Variants in ACACA observed in about 807,000 individuals in gnomAD.
ACACA encodes acetyl-CoA carboxylase 1.
Under a neutral mutation model 296.1 loss-of-function variants are expected in ACACA, and 103 were observed. The observed-to-expected ratio is 0.35, with a 90% CI of 0.30 to 0.41. The LOEUF (loss-of-function observed/expected upper bound fraction) is 0.41, where lower values mean the gene tolerates loss of function less well. Ranked by LOEUF, ACACA falls within the 10% of genes least tolerant of loss-of-function variation. ACACA has a pLI of 1.00. For synonymous variants in ACACA, 953 were observed against 1,038.6 expected, an observed-to-expected ratio of 0.92 and a Z score of 1.58; for missense variants, 1,554 against 2,989.7, an observed-to-expected ratio of 0.52 and a Z score of 11.20.
chr17:37,209,630 G>A (rs1393357572), intron 30 of ACACA, among the ~76,000 whole-genome samples: 1 of 152,162 alleles, frequency 6.6e-6, no homozygotes, highest in African/African-American at 2.4e-5. Context: ...TAAAAGCTAT[G>A]ATTAGTCTTG....
At chr17:37,339,426 C>A (rs2048285399) in intron 2 of ACACA, among the ~76,000 whole-genome samples, 1 of 152,212 alleles carries the variant, frequency 6.6e-6, no homozygotes, top group Non-Finnish European at 1.5e-5. Context: ...TAAACGGTTA[C>A]ATAGATTGGA....
rs1277213472 is a variant in ACACA, at chr17:37,260,274, ATATATATATATATATATATATATT to A, written c.1330-768_1330-745del. 4.7e-4 allele frequency among the ~76,000 whole-genome samples: 13 copies of A among 27,842 alleles called. No homozygotes were observed. The East Asian group carries it at 0.011, about 24-fold the overall frequency. The allele number at this position is 27,842 out of a possible 152,430, so 18.3% of individuals were successfully genotyped here. A position where few individuals can be genotyped will look rare whatever the true frequency, so the allele number is the denominator to read the frequency against. Reference sequence around the variant, plus strand: ...CATATATATATATATATATATATATATATATATATATATATATATATATTTTTTTTTTTTTTTTTTTTGGAGATG... The same window carrying A: ...CATATATATATATATATATATATATATTTTTTTTTTTTTTTTTTGGAGATG... On this transcript the variant is annotated intron_variant, in intron 11 of 55. Coordinates refer to ENST00000616317, the MANE Select transcript of ACACA (RefSeq NM_198834.3).
intron 25 of ACACA, among the ~76,000 whole-genome samples, chr17:37,233,046 A>G (rs1275414958): frequency 6.6e-6 from 1 of 152,224 alleles, no homozygotes; most frequent in Non-Finnish European, 1.5e-5. Flanking sequence ...GGAGAAAAAA[A>G]GAACAGCGTG....
intron 2 of ACACA, among the ~76,000 whole-genome samples, chr17:37,336,848 C>G (rs2048141440): frequency 6.6e-6 from 1 of 152,110 alleles, no homozygotes; most frequent in South Asian, 2.1e-4. Flanking sequence ...AGATGAGAAA[C>G]CGTCAATACT....
chr17:37,295,678 A>T (rs1201048683), intron 3 of ACACA, among the ~76,000 whole-genome samples: 1 of 152,132 alleles, frequency 6.6e-6, no homozygotes, highest in African/African-American at 2.4e-5. Context: ...TAATCCCAAC[A>T]CATTGGGAGG....
At chr17:37,106,031 T>TA (rs2142932978) in intron 52 of ACACA, among the ~76,000 whole-genome samples, 1 of 151,936 alleles carries the variant, frequency 6.6e-6, no homozygotes, top group Admixed American at 6.6e-5. Context: ...AAAATCAGCA[T>TA]AAAAAAGACT....
At chr17:37,219,821 T>G (rs1012932545) in intron 29 of ACACA, among the ~76,000 whole-genome samples, 9 of 151,428 alleles carry the variant, frequency 5.9e-5, no homozygotes, top group Admixed American at 1.3e-4. Context: ...TACATCATTT[T>G]ATGATCAAAC....
chr17:37,314,225 G>A (rs1024721793), intron 3 of ACACA, among the ~76,000 whole-genome samples: 11 of 149,028 alleles, frequency 7.4e-5, no homozygotes, highest in South Asian at 2.1e-4. Flanking sequence ...TCAGCCTCCC[G>A]AGTAGCTGGG....
chr17:37,200,814 GT>G (rs1263126690), intron 33 of ACACA, among the ~76,000 whole-genome samples: 1 of 152,168 alleles, frequency 6.6e-6, no homozygotes, highest in East Asian at 1.9e-4. Context: ...AAATCATACT[GT>G]TGGGCATGTA....
intron 52 of ACACA, among the ~76,000 whole-genome samples, chr17:37,107,046 C>G (rs1429498659): frequency 6.6e-6 from 1 of 152,140 alleles, no homozygotes; most frequent in African/African-American, 2.4e-5. Context: ...AGAGAGGAGG[C>G]AAGATCCCAT....
chr17:37,202,298 T>C (rs1290489459), intron 33 of ACACA, among the ~76,000 whole-genome samples: 2 of 152,168 alleles, frequency 1.3e-5, no homozygotes, highest in Non-Finnish European at 2.9e-5. Flanking sequence ...CACAAGTGGC[T>C]GACAATAACA....
intron 1 of ACACA, among the ~76,000 whole-genome samples, chr17:37,385,089 A>T (rs529824575): frequency 6.6e-6 from 1 of 152,166 alleles, no homozygotes; most frequent in Admixed American, 6.5e-5. Context: ...TCTCATCTGG[A>T]CTTTTGCAAT....
At chr17:37,284,361 C>T (rs2082677047) in intron 4 of ACACA, among the ~76,000 whole-genome samples, 1 of 152,186 alleles carries the variant, frequency 6.6e-6, no homozygotes, top group African/African-American at 2.4e-5. Context: ...CATATTATCT[C>T]CCCACCAGCA....
At chr17:37,233,688 A>C (rs1045317337) in intron 25 of ACACA, among the ~76,000 whole-genome samples, 5 of 152,182 alleles carry the variant, frequency 3.3e-5, no homozygotes, top group African/African-American at 1.2e-4. Flanking sequence ...CCTTTCATTA[A>C]ATTAAAAAAA....
chr17:37,235,222 C>T, intron 24 of ACACA, 123 bp from the exon 25 acceptor site: 1 of 1,284,626 alleles, frequency 7.8e-7, no homozygotes, highest in South Asian at 1.2e-5. Flanking sequence ...TAAGGATTTT[C>T]TTGGATGGAT....
chr17:37,130,760 T>C (rs1049124935), intron 45 of ACACA, among the ~76,000 whole-genome samples: 7 of 152,110 alleles, frequency 4.6e-5, no homozygotes, highest in African/African-American at 1.7e-4. Flanking sequence ...GGCTACCTCA[T>C]TGTGTGCAAG....
intron 30 of ACACA, 143 bp downstream of exon 30, chr17:37,210,324 T>C: frequency 1.4e-6 from 1 of 702,954 alleles, no homozygotes. Context: ...AAGAATAATT[T>C]AGTATGTCCA....
chr17:37,329,320 C>G (rs759116189), intron 3 of ACACA, among the ~76,000 whole-genome samples: 3 of 152,188 alleles, frequency 2.0e-5, no homozygotes, highest in Non-Finnish European at 4.4e-5. Flanking sequence ...CTAACTCTTA[C>G]TCACTAGGTC....
intron 20 of ACACA, 53 bp downstream of exon 20, chr17:37,245,027 C>G: frequency 1.2e-6 from 2 of 1,613,514 alleles, no homozygotes; most frequent in Non-Finnish European, 1.7e-6. Flanking sequence ...CTCTCCAAAC[C>G]ACCAAGTTCT....
Sources: allele counts gnomAD v4.1 joint callset (sites outside exome capture counted in the v4.1 genomes callset), GRCh38; gene constraint gnomAD v4.1.1; transcripts MANE v1.5; gene names NCBI Gene and HGNC (gene_info 2026-07-23, HGNC 2026-07-21).